Variants in BTAF1 observed in about 807,000 individuals in gnomAD.
BTAF1 encodes the protein TATA-binding protein-associated factor 172.
BTAF1 carries 38 observed loss-of-function variants against 227.1 expected under a neutral mutation model. The observed-to-expected ratio is 0.17, with a 90% confidence interval of 0.13 to 0.22. The LOEUF (loss-of-function observed/expected upper bound fraction) is 0.22. Ranked by LOEUF, BTAF1 falls within the 10% of genes least tolerant of loss-of-function variation. BTAF1 has a pLI of 1.00. For synonymous variants in BTAF1, 742 were observed against 751.9 expected, an observed-to-expected ratio of 0.99 and a Z score of 0.21; for missense variants, 1,598 against 2,204.0, an observed-to-expected ratio of 0.73 and a Z score of 5.51.
At chr10:91,928,575 G>C (rs1331853818) in intron 1 of BTAF1, among the ~76,000 whole-genome samples, 1 of 152,062 alleles carries the variant, frequency 6.6e-6, no homozygotes, top group Admixed American at 6.5e-5. Flanking sequence ...TATGTTACAG[G>C]CTTTCAGTGT....
Position 91,959,598 on chromosome 10 carries a change from T to C in BTAF1, c.991-187T>C, listed in dbSNP as rs369728873. Reference sequence around the variant, plus strand: ...TAATTGGGACTATTCTACTTTTTGGTTGTTGTTCCTACAGCTAAAATCTGT... The same window carrying C: ...TAATTGGGACTATTCTACTTTTTGGCTGTTGTTCCTACAGCTAAAATCTGT... On this transcript the variant is annotated intron_variant, in intron 9 of 37. Transcript: ENST00000265990. Among the ~76,000 whole-genome samples, 2 of 151,878 alleles carry C rather than the reference T, an allele frequency of 1.3e-5. 1 individual carries two copies. Among genetic ancestry groups the C allele is most frequent in the East Asian group, 3.9e-4 (2 of 5,194 alleles).
chr10:92,019,295 A>G (rs1850954405), intron 34 of BTAF1, among the ~76,000 whole-genome samples: 1 of 152,176 alleles, frequency 6.6e-6, no homozygotes, highest in South Asian at 2.1e-4. Flanking sequence ...TTTCTCTATG[A>G]ATTTGCCTGT....
chr10:92,018,680 G>A (rs529360169), intron 33 of BTAF1, 103 bp from the exon 34 acceptor site: 1 of 1,040,694 alleles, frequency 9.6e-7, no homozygotes, highest in Non-Finnish European at 1.3e-6. Context: ...AGGGAGAAAG[G>A]CATTCTAAAC....
chr10:91,940,479 GT>G (rs1844911729), intron 3 of BTAF1, among the ~76,000 whole-genome samples: 1 of 151,838 alleles, frequency 6.6e-6, no homozygotes, highest in African/African-American at 2.4e-5. Flanking sequence ...GTGAAGTCTT[GT>G]TTTTTATGTG....
rs1851845970 is a variant in BTAF1 at position 92,030,814 on chromosome 10, T to TTGAG, written c.*1883_*1886dup. 6.6e-6 allele frequency among the ~76,000 whole-genome samples: 1 copy of TTGAG among 152,158 alleles called. No individual in the cohort carries two copies. Among genetic ancestry groups the TTGAG allele is most frequent in the Admixed American group, 6.5e-5 (1 of 15,272 alleles). The stretch of plus-strand genomic sequence containing the variant: ...GCTATAACATTTTTAAAATAATCTT[T>TTGAG]TGAGTTGTAAAATAGTAAATCACAC... On this transcript the variant is annotated 3_prime_UTR_variant, in exon 38 of 38. Transcript: ENST00000265990.
chr10:91,972,984 T>A (rs2792019), intron 14 of BTAF1, among the ~76,000 whole-genome samples: 90,182 of 152,154 alleles, frequency 0.59, 30,463 homozygotes, highest in East Asian at 0.77. Context: ...TTCAAAACAC[T>A]TCTGGCTCCA....
In BTAF1 at chr10:92,018,900, A is replaced by G. The variant is rs149188394; in HGVS notation, c.4828A>G (p.Ile1610Val). 6.2e-6 allele frequency: 10 copies of G among 1,605,576 alleles called. No homozygotes were observed. The highest frequency in any genetic ancestry group is 7.6e-6 in the Non-Finnish European group (9 of 1,177,234). ...AGTTCAGAATTCTTCTCTACATGAT[A>G]TTCAACATGCCCCTAAGCTCTCAGC... Reference protein sequence around the residue: ...LAVQNSSLHDIQHAPKLSALK... With the variant: ...LAVQNSSLHDVQHAPKLSALK... Residue 1610 changes from isoleucine (I) to valine (V), a missense_variant, in exon 34 of 38, where the codon ATT becomes GTT. This residue lies in a region of BTAF1 where 205 missense variants were observed against 244.5 expected (regional missense o/e 0.84). Transcript: ENST00000265990.
At chr10:92,006,773 C>T (rs1849918694) in intron 25 of BTAF1, among the ~76,000 whole-genome samples, 1 of 152,156 alleles carries the variant, frequency 6.6e-6, no homozygotes, top group South Asian at 2.1e-4. Context: ...GGAATACCCA[C>T]AGTTTATCAG....
intron 2 of BTAF1, among the ~76,000 whole-genome samples, chr10:91,938,991 G>C (rs142399851): frequency 2.7e-5 from 2 of 72,898 alleles, no homozygotes; most frequent in Non-Finnish European, 3.6e-5. Context: ...AAAAAAAAAG[G>C]GGGGGGGGAT....
intron 25 of BTAF1, among the ~76,000 whole-genome samples, chr10:91,999,157 ATACT>A (rs1289280104): frequency 1.3e-5 from 2 of 152,092 alleles, no homozygotes; most frequent in African/African-American, 2.4e-5. Flanking sequence ...TTTTGAGTAA[ATACT>A]TAAGAATGAA....
chr10:92,019,107 T>TA, intron 34 of BTAF1, among the ~76,000 whole-genome samples, 172 bp downstream of exon 34: 1 of 152,368 alleles, frequency 6.6e-6, no homozygotes, highest in Admixed American at 6.5e-5. Flanking sequence ...CAGCACAAAA[T>TA]ATGCCATTTT....
rs200862050 is a variant in BTAF1, at chr10:91,942,577, T to C, written c.400+9T>C. ...CCAAGATGAAAAATCAGGTCTGTAG[T>C]GGTTCTGAGAAGAAAGTCTAAAATT... is the stretch of plus-strand genomic sequence containing the variant. On this transcript the variant is annotated intron_variant, in intron 4 of 37. Transcript: ENST00000265990. 13 of 1,612,802 alleles carry C rather than the reference T, an allele frequency of 8.1e-6. No homozygotes were observed. The highest frequency in any genetic ancestry group is 1.7e-5 in the Admixed American group (1 of 59,802).
At chr10:92,025,015 T>C in intron 35 of BTAF1, 48 bp downstream of exon 35, 1 of 1,499,350 alleles carries the variant, frequency 6.7e-7, no homozygotes, top group East Asian at 2.3e-5. Flanking sequence ...TATTATTACT[T>C]ACATAGAAGT....
chr10:92,025,328 G>A (rs773752861), intron 35 of BTAF1, among the ~76,000 whole-genome samples: 5 of 152,010 alleles, frequency 3.3e-5, no homozygotes, highest in Non-Finnish European at 7.4e-5. Flanking sequence ...ATCCCTGTTT[G>A]TGCACTGAGA....
At chr10:91,982,043 T>C in intron 16 of BTAF1, 40 bp from the exon 17 acceptor site, 1 of 1,583,888 alleles carries the variant, frequency 6.3e-7, no homozygotes, top group Non-Finnish European at 8.6e-7. Context: ...TCAGTTTTAA[T>C]GGTTAATCTT....
chr10:91,974,731 C>T (rs1286717965), intron 14 of BTAF1, among the ~76,000 whole-genome samples: 1 of 152,064 alleles, frequency 6.6e-6, no homozygotes, highest in Admixed American at 6.5e-5. Flanking sequence ...GGGTGCCTGT[C>T]ATCCCTGCTA....
At chr10:91,987,240 T>C (rs1198314876) in intron 19 of BTAF1, among the ~76,000 whole-genome samples, 1 of 151,974 alleles carries the variant, frequency 6.6e-6, no homozygotes, top group East Asian at 1.9e-4. Flanking sequence ...TCCCAGCACT[T>C]TGGGAGGCCG....
At position 91,992,320 on chromosome 10, in the gene BTAF1, T is replaced by C. The variant is rs1848844886; in HGVS notation, c.3045+11T>C. ...GTTGAACTTGATGAGGTAAGTAGTTTTTTTTTTTTTTTAATGCTTTGATTT... is the reference window on the plus strand; with the variant it reads ...GTTGAACTTGATGAGGTAAGTAGTTCTTTTTTTTTTTTAATGCTTTGATTT... On this transcript the variant is annotated intron_variant, in intron 21 of 37. Transcript: ENST00000265990. 6.7e-7 allele frequency: 1 copy of C among 1,503,468 alleles called. No individual in the cohort carries two copies. The highest frequency in any genetic ancestry group is 9.0e-7 in the Non-Finnish European group (1 of 1,114,702). 93.1% of individuals were successfully genotyped at this position (1,503,468 alleles called of 1,614,324 possible).
At chr10:92,019,122 A>T (rs756260274) in intron 34 of BTAF1, among the ~76,000 whole-genome samples, 187 bp downstream of exon 34, 1 of 152,234 alleles carries the variant, frequency 6.6e-6, no homozygotes, top group Admixed American at 6.5e-5. Flanking sequence ...CATTTTAACC[A>T]TTTTAAGTGT....
Sources: allele counts gnomAD v4.1 joint callset (sites outside exome capture counted in the v4.1 genomes callset), GRCh38; gene constraint gnomAD v4.1.1; regional missense constraint gnomAD v4.1.1; transcripts MANE v1.5; gene names NCBI Gene and HGNC (gene_info 2026-07-23, HGNC 2026-07-21).